The following SPTB variants were observed in gnomAD, a reference collection of about 807,000 sequenced individuals.
SPTB encodes spectrin beta chain, erythrocytic.
SPTB carries 45 observed loss-of-function variants against 256.2 expected under a neutral mutation model. That is an observed-to-expected ratio of 0.18 (90% confidence interval 0.14 to 0.23). SPTB has a LOEUF of 0.23. SPTB is among the 10% of genes least tolerant of loss of function. The pLI is 1.00. For synonymous variants in SPTB, 1,231 were observed against 1,243.1 expected (o/e 0.99, Z 0.21); for missense variants, 2,715 against 3,040.4 (o/e 0.89, Z 2.52).
chr14:64,853,644 G>T lies in SPTB; in HGVS notation c.-52+26148C>A, dbSNP rs72726243. On this transcript the variant is annotated intron_variant, in intron 1 of 35. Coordinates refer to ENST00000644917, the MANE Select transcript of SPTB (RefSeq NM_001355436.2). The surrounding 1 kb of genome is among the most constrained non-coding windows in gnomAD (Gnocchi z 4.3). ...GATGGGAGAGGGTATGGGGCTTTGA[G>T]GGGGAGCAGACAGGCATGCAGGGCC... 0.029 allele frequency among the ~76,000 whole-genome samples: 4,473 copies of T among 152,258 alleles called. 103 individuals are homozygous for T. The highest frequency in any genetic ancestry group is 0.12 in the South Asian group (581 of 4,822).
Position 64,852,308 on chromosome 14 carries a change from G to C in SPTB, c.-52+27484C>G, listed in dbSNP as rs1159920149. On this transcript the variant is annotated intron_variant, in intron 1 of 35. Transcript: ENST00000644917. The surrounding 1 kb of genome is among the most constrained non-coding windows in gnomAD (Gnocchi z 4.2). ...TATGTGGAGGCATGGAAGGATGGAA[G>C]AAACAGCCTGGAGATCCTGGGAAAC... Among the ~76,000 whole-genome samples the C allele has an allele frequency of 6.6e-6, 1 of 152,128 alleles. No homozygotes were observed. The highest frequency in any genetic ancestry group is 1.5e-5 in the Non-Finnish European group (1 of 68,012).
intron 1 of SPTB, among the ~76,000 whole-genome samples, chr14:64,839,916 C>G (rs17102199): frequency 0.024 from 3,662 of 152,224 alleles, 147 homozygotes; most frequent in African/African-American, 0.083. Flanking sequence ...ATTAAAGAAG[C>G]CTTCATGGAA....
Position 64,853,289 on chromosome 14 carries a change from G to A in SPTB, c.-52+26503C>T, listed in dbSNP as rs1168955427. ...GGTGGTAGCAGGAACACCAAAAGGG[G>A]CCAAGATTGTCCCCAAAGAGGGTTT... On this transcript the variant is annotated intron_variant, in intron 1 of 35. Transcript: ENST00000644917. This position sits in a 1 kb window ranked among gnomAD's most constrained non-coding sequence, Gnocchi z 4.3. Among the ~76,000 whole-genome samples the A allele has an allele frequency of 6.6e-6, 1 of 152,200 alleles. No homozygotes were observed. Among genetic ancestry groups the A allele is most frequent in the Middle Eastern group, 3.2e-3 (1 of 316 alleles).
In SPTB at chr14:64,758,546, G is replaced by C. The variant is rs947655059; in HGVS notation, c.6346-4753C>G. On this transcript the variant is annotated intron_variant, in intron 32 of 35. Transcript: ENST00000644917. The surrounding 1 kb of genome is among the most constrained non-coding windows in gnomAD (Gnocchi z 4.6). ...GCCAAAGACAACGGCGTGCTGCTGA[G>C]TGGAGGGCTCTGGTAATTCACAAGT... 6.6e-6 allele frequency among the ~76,000 whole-genome samples: 1 copy of C among 152,276 alleles called. No homozygotes were observed. The highest frequency in any genetic ancestry group is 6.5e-5 in the Admixed American group (1 of 15,290).
rs1301015591 is a variant in SPTB at position 64,826,523 on chromosome 14, T to G, written c.-51-3378A>C. On this transcript the variant is annotated intron_variant, in intron 1 of 35. Coordinates refer to ENST00000644917, the MANE Select transcript of SPTB (RefSeq NM_001355436.2). This position sits in a 1 kb window ranked among gnomAD's most constrained non-coding sequence, Gnocchi z 4.4. ...ATATAAGTCATCTGCACATCTAGAGTGGCCTTCCATGAGTCACGGAGGACC... is the reference window on the plus strand; with the variant it reads ...ATATAAGTCATCTGCACATCTAGAGGGGCCTTCCATGAGTCACGGAGGACC... Among the ~76,000 whole-genome samples, 2 of 152,144 alleles carry G rather than the reference T, an allele frequency of 1.3e-5. No homozygotes were observed. The highest frequency in any genetic ancestry group is 4.8e-5 in the African/African-American group (2 of 41,422).
In SPTB at chr14:64,823,141, G is replaced by A. The variant is rs1217281684; in HGVS notation, c.-47C>T. 6.2e-7 allele frequency: 1 copy of A among 1,611,386 alleles called. No individual in the cohort carries two copies. Among genetic ancestry groups the A allele is most frequent in the Non-Finnish European group, 8.5e-7 (1 of 1,177,826 alleles). On this transcript the variant is annotated 5_prime_UTR_variant, in exon 2 of 36. Transcript: ENST00000644917. The surrounding 1 kb of genome is among the most constrained non-coding windows in gnomAD (Gnocchi z 6.5). ...CCGCCTGCCTCAGTCTTCATGGAAG[G>A]ATCCCTGGGGGACAGCAACACAGTC...
At chr14:64,754,092 A>C in intron 32 of SPTB, 1 of 516,248 alleles carries the variant, frequency 1.9e-6, no homozygotes, top group East Asian at 3.6e-5. Flanking sequence ...AGTGAGCCAA[A>C]GGGGCCTGAG....
In SPTB at chr14:64,746,528, C is replaced by A. The variant is rs1347012981; in HGVS notation, c.*2778G>T. ...TTCATCCTCCTCTGGATTCCTGCCC[C>A]CCTCCCATGAAGGGAGGAAGAGGAT... On this transcript the variant is annotated 3_prime_UTR_variant, in exon 36 of 36. Transcript: ENST00000644917. The surrounding 1 kb of genome is among the most constrained non-coding windows in gnomAD (Gnocchi z 4.9). 4 of 152,658 alleles carry A rather than the reference C, an allele frequency of 2.6e-5. No homozygotes were observed. The highest frequency in any genetic ancestry group is 4.4e-5 in the Non-Finnish European group (3 of 68,066). The allele number at this position is 152,658 out of a possible 1,614,324, so 9.5% of individuals were successfully genotyped here. A position where few individuals can be genotyped will look rare whatever the true frequency, so the allele number is the denominator to read the frequency against.
intron 2 of SPTB, among the ~76,000 whole-genome samples, chr14:64,805,542 G>A (rs950943033): frequency 2.1e-4 from 31 of 150,044 alleles, no homozygotes; most frequent in Middle Eastern, 3.2e-3. Context: ...TATAAATGGC[G>A]CTTGGGTTGG....
At chr14:64,849,746 T>A (rs191992841) in intron 1 of SPTB, among the ~76,000 whole-genome samples, 16 of 152,330 alleles carry the variant, frequency 1.1e-4, no homozygotes, top group Admixed American at 8.5e-4. Flanking sequence ...AAAAGTCACC[T>A]TTGTTGTCAC....
At chr14:64,753,474 T>A in intron 33 of SPTB, 63 bp downstream of exon 33, 1 of 1,609,982 alleles carries the variant, frequency 6.2e-7, no homozygotes, top group Non-Finnish European at 8.5e-7. Flanking sequence ...AAGGCTCTGC[T>A]AGCAGAGAGA....
At chr14:64,850,811 C>G (rs1278158794) in intron 1 of SPTB, among the ~76,000 whole-genome samples, 1 of 152,174 alleles carries the variant, frequency 6.6e-6, no homozygotes, top group Non-Finnish European at 1.5e-5. Flanking sequence ...CCTTTTCATT[C>G]TGTCAAACTC....
Position 64,785,729 on chromosome 14 carries a change from G to A in SPTB, c.3764+20C>T. ...CCCGTGTGGCTCTGGGGGCCTCGTG[G>A]CCCTGGGGCCCGGGAGTACCTGTCC... On this transcript the variant is annotated intron_variant, in intron 17 of 35. Coordinates refer to ENST00000644917, the MANE Select transcript of SPTB (RefSeq NM_001355436.2). This position sits in a 1 kb window ranked among gnomAD's most constrained non-coding sequence, Gnocchi z 4.4. 1 of 1,614,046 alleles carries A rather than the reference G, an allele frequency of 6.2e-7. No homozygotes were observed. The highest frequency in any genetic ancestry group is 1.3e-5 in the African/African-American group (1 of 75,010).
rs547472870 is a variant in SPTB, at chr14:64,851,686, A to G, written c.-52+28106T>C. ...ACACCATGGAATACTATGCAGCCATAAAAAGGAATGAGATCATGTCCTTTG... is the reference window on the plus strand; with the variant it reads ...ACACCATGGAATACTATGCAGCCATGAAAAGGAATGAGATCATGTCCTTTG... On this transcript the variant is annotated intron_variant, in intron 1 of 35. Transcript: ENST00000644917. 2.0e-5 allele frequency among the ~76,000 whole-genome samples: 3 copies of G among 152,332 alleles called. No individual in the cohort carries two copies. The South Asian group carries it at 6.2e-4, about 32-fold the overall frequency.
At position 64,786,985 on chromosome 14, in the gene SPTB, G is replaced by A; in HGVS notation, c.2980C>T (p.Gln994Ter). 1 of 1,614,156 alleles carries A rather than the reference G, an allele frequency of 6.2e-7. No homozygotes were observed. Among genetic ancestry groups the A allele is most frequent in the South Asian group, 1.1e-5 (1 of 91,082 alleles). The change falls in exon 16 of 36, where the codon CAG becomes TAG. Residue 994 changes from glutamine to a stop codon, truncating the protein, a stop_gained. Coordinates refer to ENST00000644917, the MANE Select transcript of SPTB (RefSeq NM_001355436.2). LOFTEE classifies it high-confidence loss of function. This position sits in a 1 kb window ranked among gnomAD's most constrained non-coding sequence, Gnocchi z 5.6. Reference sequence around the variant, plus strand: ...CGCTCCAGCCCTGACAACTTCCTCTGGATGGCGATGATACCTGCCAGGTCC... The same window carrying A: ...CGCTCCAGCCCTGACAACTTCCTCTAGATGGCGATGATACCTGCCAGGTCC... ...GRDLAGIIAI[Q>*]RKLSGLERDV... is the part of the protein sequence containing the mutation.
At chr14:64,820,174 T>G (rs1176579325) in intron 2 of SPTB, among the ~76,000 whole-genome samples, 1 of 152,140 alleles carries the variant, frequency 6.6e-6, no homozygotes, top group Non-Finnish European at 1.5e-5. Flanking sequence ...TTAATATTCC[T>G]GTGAGTGGGA....
chr14:64,820,541 A>G (rs2083268832), intron 2 of SPTB, among the ~76,000 whole-genome samples: 2 of 152,228 alleles, frequency 1.3e-5, no homozygotes, highest in Admixed American at 1.3e-4. Context: ...CAGGCATACA[A>G]TTCTATGCTC....
chr14:64,850,499 C>G lies in SPTB; in HGVS notation c.-51-27354G>C, dbSNP rs1005455918. ...TTGGCCAACATCCTCAAGTTTCCAG[C>G]CCCTCACAAGGGCCCCCTCACAAAC... On this transcript the variant is annotated intron_variant, in intron 1 of 35. Coordinates refer to ENST00000644917, the MANE Select transcript of SPTB (RefSeq NM_001355436.2). 1.1e-4 allele frequency among the ~76,000 whole-genome samples: 17 copies of G among 152,122 alleles called. 2 individuals are homozygous for G. Among genetic ancestry groups the G allele is most frequent in the Admixed American group, 9.8e-4 (15 of 15,282 alleles).
chr14:64,843,527 T>A (rs1305193301), intron 1 of SPTB, among the ~76,000 whole-genome samples: 1 of 152,230 alleles, frequency 6.6e-6, no homozygotes, highest in East Asian at 1.9e-4. Context: ...TCATTTTCAC[T>A]TGGTCACAGC....
Sources: allele counts gnomAD v4.1 joint callset (sites outside exome capture counted in the v4.1 genomes callset), GRCh38; gene constraint gnomAD v4.1.1; non-coding constraint Gnocchi (gnomAD v3.1); transcripts MANE v1.5; gene names NCBI Gene and HGNC (gene_info 2026-07-23, HGNC 2026-07-21).